Variants in MACF1 observed in about 807,000 individuals in gnomAD.
The protein encoded by MACF1 is microtubule actin crosslinking factor 1.
A neutral mutation model predicts 854.8 loss-of-function variants in MACF1; 193 were observed. The ratio of observed to expected loss-of-function variants is 0.23; its 90% CI spans 0.20 to 0.25. MACF1 has a LOEUF of 0.25. MACF1 is among the 10% of genes least tolerant of loss of function. The probability of loss-of-function intolerance (pLI) is 1.00; values close to 1 mark genes in which losing one functional copy is unlikely to be tolerated. For synonymous variants in MACF1, 3,185 were observed against 3,226.7 expected (o/e 0.99, Z 0.44); for missense variants, 7,722 against 8,929.1 (o/e 0.86, Z 5.45).
In MACF1 at chr1:39,190,377, G is replaced by C. The variant is rs1247845015; in HGVS notation, c.221-40805G>C. 7.3e-5 allele frequency among the ~76,000 whole-genome samples: 8 copies of C among 108,860 alleles called. No individual in the cohort carries two copies. The Admixed American group carries it at 8.1e-4, about 11-fold the overall frequency. The allele number at this position is 108,860 out of a possible 152,430, so 71.4% of individuals were successfully genotyped here. ...TCTTTCTTTCTCTTCTTTTGTGTGT[G>C]TGTGTGTGTGTGTGTTTGTTTTTGT... On this transcript the variant is annotated intron_variant, in intron 2 of 93. Transcript: ENST00000361689.
rs1291693780 is a variant in MACF1, at chr1:39,441,260, A to C, written c.18607A>C (p.Lys6203Gln). The C allele has an allele frequency of 1.2e-6, 2 of 1,614,184 alleles. No homozygotes were observed. Among genetic ancestry groups the C allele is most frequent in the Non-Finnish European group, 1.7e-6 (2 of 1,180,006 alleles). The change falls in exon 74 of 101, where the codon AAA (lysine) becomes CAA (glutamine). Residue 6203 changes from lysine (K) to glutamine (Q), a missense_variant. Coordinates refer to ENST00000564288, the MANE Select transcript of MACF1 (RefSeq NM_001394062.1). ...NAWENLNKTWKERLEKLEDAM... is the reference protein window; with the variant it reads ...NAWENLNKTWQERLEKLEDAM... ...TTGGGAGAACTTAAACAAAACATGG[A>C]AAGAGAGGCTAGAAAAACTTGAGGA...
intron 26 of MACF1, among the ~76,000 whole-genome samples, chr1:39,312,769 G>C (rs1646326921): frequency 6.7e-6 from 1 of 148,810 alleles, no homozygotes; most frequent in Admixed American, 6.7e-5. Context: ...AGGTTGCAGT[G>C]AGCCGAGATC....
At position 39,452,804 on chromosome 1, in the gene MACF1, A is replaced by G. The variant is rs774516000; in HGVS notation, c.20734A>G (p.Thr6912Ala). ...DTEALQSLID[T>A]HKEFMKKVEE... ...AGAGGCCCTGCAGTCTCTCATTGAC[A>G]CCCATAAGGTAATCCAGCCTTGGGG... The change falls in exon 87 of 101, where the codon ACC becomes GCC. Residue 6912 changes from threonine (T) to alanine (A), a missense_variant. Physicochemically the swap from Thr to Ala is moderately conservative, Grantham distance 58. Transcript: ENST00000564288. The G allele has an allele frequency of 5.6e-6, 9 of 1,614,010 alleles. No individual in the cohort carries two copies. Among genetic ancestry groups the G allele is most frequent in the Non-Finnish European group, 4.2e-6 (5 of 1,179,926 alleles).
At chr1:39,177,988 T>A (rs1644053386) in intron 2 of MACF1, among the ~76,000 whole-genome samples, 1 of 151,898 alleles carries the variant, frequency 6.6e-6, no homozygotes, top group African/African-American at 2.4e-5. Context: ...AGAAATGGGA[T>A]CACCGAGAGG....
At chr1:39,477,086 T>C (rs1401400611) in intron 97 of MACF1, among the ~76,000 whole-genome samples, 45 of 12,418 alleles carry the variant, frequency 3.6e-3, no homozygotes, top group East Asian at 8.8e-3. Context: ...TATATATATA[T>C]ATATACACAC....
rs375450508 is a variant in MACF1, at chr1:39,084,519, C to T, written c.220+81C>T. ...AGGGCACAGCAGCTGTGTGGGGAGC[C>T]GAGGGGTCCTCACCAGGGCCTCTGA... On this transcript the variant is annotated intron_variant, in intron 2 of 93. Transcript: ENST00000361689. The surrounding 1 kb of genome is among the most constrained non-coding windows in gnomAD (Gnocchi z 5.2). 7.8e-5 allele frequency: 94 copies of T among 1,203,124 alleles called. No individual in the cohort carries two copies. Among genetic ancestry groups the T allele is most frequent in the East Asian group, 2.3e-4 (9 of 39,378 alleles). 74.5% of individuals were successfully genotyped at this position (1,203,124 alleles called of 1,614,324 possible).
chr1:39,219,634 G>A (rs1012203509), intron 1 of MACF1, among the ~76,000 whole-genome samples: 1 of 152,070 alleles, frequency 6.6e-6, no homozygotes, highest in African/African-American at 2.4e-5. Flanking sequence ...TTTCCTTTGC[G>A]CTTACATTGG....
chr1:39,220,786 G>T (rs1218852136), intron 1 of MACF1, among the ~76,000 whole-genome samples: 1 of 152,104 alleles, frequency 6.6e-6, no homozygotes, highest in African/African-American at 2.4e-5. Context: ...CCCCTGGCTG[G>T]CCTTTAATGA....
chr1:39,347,252 A>AT, intron 41 of MACF1, 42 bp downstream of exon 41: 1 of 1,435,942 alleles, frequency 7.0e-7, no homozygotes, highest in Non-Finnish European at 9.8e-7. Flanking sequence ...GTCTTTGGGG[A>AT]TGTCCTCTGT....
At chr1:39,464,423 G>A (rs560818943) in intron 94 of MACF1, 29 of 153,178 alleles carry the variant, frequency 1.9e-4, no homozygotes, top group African/African-American at 7.0e-4. Flanking sequence ...TCTACCCCAT[G>A]CTGCAGTCTC....
At chr1:39,165,867 A>G (rs373846766) in intron 2 of MACF1, among the ~76,000 whole-genome samples, 1 of 152,266 alleles carries the variant, frequency 6.6e-6, no homozygotes, top group African/African-American at 2.4e-5. Flanking sequence ...TTGGAAGATC[A>G]CTTTTTTACA....
At chr1:39,347,649 A>G (rs1647085337) in intron 41 of MACF1, among the ~76,000 whole-genome samples, 1 of 152,120 alleles carries the variant, frequency 6.6e-6, no homozygotes, top group Admixed American at 6.6e-5. Flanking sequence ...TATTTAATCT[A>G]TTTCAAATGA....
At chr1:39,330,694 T>C (rs1288965739) in intron 36 of MACF1, among the ~76,000 whole-genome samples, 1 of 152,170 alleles carries the variant, frequency 6.6e-6, no homozygotes, top group Non-Finnish European at 1.5e-5. Context: ...TTAGAAAAAC[T>C]CTTTTTTAGT....
rs1281379517 is a variant in MACF1 at position 39,387,918 on chromosome 1, G to A, written c.15076G>A (p.Val5026Ile). The A allele has an allele frequency of 6.2e-7, 1 of 1,613,944 alleles. No individual in the cohort carries two copies. Among genetic ancestry groups the A allele is most frequent in the South Asian group, 1.1e-5 (1 of 91,072 alleles). The change falls in exon 58 of 101, where the codon GTT becomes ATT. Residue 5026 changes from valine (V) to isoleucine (I), a missense_variant. By Grantham distance (29) the Val-to-Ile change is conservative. Transcript: ENST00000564288. The part of the protein sequence containing the change: ...QESFKNIEKK[V>I]EGAKHQLEIF... ...AAGCTTTAAGAATATTGAAAAGAAG[G>A]TTGAAGGAGCCAAACACCAACTTGA...
chr1:39,465,854 A>T (rs563408104), intron 95 of MACF1, among the ~76,000 whole-genome samples: 5 of 152,366 alleles, frequency 3.3e-5, no homozygotes, highest in African/African-American at 9.6e-5. Context: ...AAGTCACTAT[A>T]GAAATGTTCT....
chr1:39,439,084 CAAA>C (rs760415601), intron 71 of MACF1, among the ~76,000 whole-genome samples, 187 bp from the exon 72 acceptor site: 3 of 84,846 alleles, frequency 3.5e-5, no homozygotes, highest in Non-Finnish European at 5.2e-5. Flanking sequence ...ACTCTGTCTC[CAAA>C]AAAAAAAAAA....
chr1:39,084,340 A>G lies in MACF1; in HGVS notation c.122A>G (p.Asp41Gly), dbSNP rs779568908. The G allele has an allele frequency of 3.1e-6, 5 of 1,613,984 alleles. No individual in the cohort carries two copies. The highest frequency in any genetic ancestry group is 1.3e-5 in the African/African-American group (1 of 75,020). ...AGCCTGTCTCCCTGTCCCCCAGGGGACACCTTGCCCTGGAACCTGCCACTG... is the reference window on the plus strand; with the variant it reads ...AGCCTGTCTCCCTGTCCCCCAGGGGGCACCTTGCCCTGGAACCTGCCACTG... The change falls in exon 2 of 94, where the codon GAC (aspartate) becomes GGC (glycine). Residue 41 changes from aspartate (D) to glycine (G), a missense_variant. By Grantham distance (94) the Asp-to-Gly change is moderately conservative. Transcript: ENST00000361689. This position sits in a 1 kb window ranked among gnomAD's most constrained non-coding sequence, Gnocchi z 5.2.
chr1:39,468,904 G>A (rs1644722269), intron 96 of MACF1, among the ~76,000 whole-genome samples, 172 bp downstream of exon 96: 1 of 152,162 alleles, frequency 6.6e-6, no homozygotes, highest in Non-Finnish European at 1.5e-5. Context: ...CATAGGCCAG[G>A]GAGAAAAAGC....
At chr1:39,477,667 A>G (rs1644934723) in intron 97 of MACF1, among the ~76,000 whole-genome samples, 1 of 151,804 alleles carries the variant, frequency 6.6e-6, no homozygotes, top group Admixed American at 6.6e-5. Flanking sequence ...GGAGAGAGCT[A>G]GGCTGGGAAT....
Sources: allele counts gnomAD v4.1 joint callset (sites outside exome capture counted in the v4.1 genomes callset), GRCh38; gene constraint gnomAD v4.1.1; non-coding constraint Gnocchi (gnomAD v3.1); transcripts MANE v1.5; gene names NCBI Gene and HGNC (gene_info 2026-07-23, HGNC 2026-07-21).